SNX29: variants seen among roughly 807,000 people sequenced by gnomAD.
SNX29 encodes sorting nexin 29, also known as sorting nexin-29.
In SNX29, 78 loss-of-function variants were observed where a neutral mutation model predicts 102.1. The observed-to-expected ratio is 0.76, with a 90% CI of 0.64 to 0.92. The LOEUF is 0.92. Among genes scored for constraint, SNX29 ranks in the 40% least tolerant of loss-of-function variants. The pLI, the probability that SNX29 is intolerant of heterozygous loss-of-function variation, is 0.00. For missense variants in SNX29, 1,280 were observed against 1,061.7 expected, an observed-to-expected ratio of 1.21 and a Z score of -2.86; for synonymous variants, 580 against 414.5, an observed-to-expected ratio of 1.40 and a Z score of -4.85.
chr16:11,978,443 C>T (rs1412197898), intron 1 of SNX29, among the ~76,000 whole-genome samples: 1 of 152,172 alleles, frequency 6.6e-6, no homozygotes, highest in African/African-American at 2.4e-5. Flanking sequence ...CCTAGTAGTA[C>T]CTATCTCCTA....
At chr16:12,565,584 C>G (rs985222097) in intron 20 of SNX29, among the ~76,000 whole-genome samples, 1 of 152,188 alleles carries the variant, frequency 6.6e-6, no homozygotes, top group Admixed American at 6.5e-5. Flanking sequence ...CACCCTCAAC[C>G]ACAGCAGCCT....
At chr16:12,540,500 C>T (rs571889713) in intron 20 of SNX29, among the ~76,000 whole-genome samples, 3 of 152,360 alleles carry the variant, frequency 2.0e-5, no homozygotes, top group African/African-American at 4.8e-5. Flanking sequence ...GGGCTGGCGC[C>T]TTCTCGAGGT....
intron 20 of SNX29, among the ~76,000 whole-genome samples, chr16:12,568,083 G>A (rs752152319): frequency 5.3e-5 from 8 of 152,124 alleles, no homozygotes; most frequent in African/African-American, 9.7e-5. Context: ...CAGGAAGTCC[G>A]TCTCCTGTGT....
At chr16:12,516,129 C>T (rs907217169) in intron 19 of SNX29, among the ~76,000 whole-genome samples, 4 of 152,142 alleles carry the variant, frequency 2.6e-5, no homozygotes, top group African/African-American at 7.2e-5. Flanking sequence ...TGCTGGGAAG[C>T]CTGGTCTGTC....
intron 20 of SNX29, among the ~76,000 whole-genome samples, chr16:12,534,062 G>A (rs1264523753): frequency 6.6e-6 from 1 of 152,256 alleles, no homozygotes; most frequent in African/African-American, 2.4e-5. Flanking sequence ...AAGCAGTGCA[G>A]AGTGAGGGCA....
intron 13 of SNX29, among the ~76,000 whole-genome samples, chr16:12,177,141 TCTC>T (rs758027506): frequency 2.0e-5 from 3 of 152,082 alleles, no homozygotes; most frequent in Non-Finnish European, 4.4e-5. Flanking sequence ...AGAGACATGG[TCTC>T]CTTGTGTTTT....
intron 13 of SNX29, among the ~76,000 whole-genome samples, chr16:12,143,061 G>A (rs1050374171): frequency 1.3e-5 from 2 of 151,376 alleles, no homozygotes; most frequent in Admixed American, 6.6e-5. Context: ...CCAGTGGTGC[G>A]ATCTCAGCTC....
At chr16:12,552,597 C>A (rs557194114) in intron 20 of SNX29, among the ~76,000 whole-genome samples, 1 of 152,128 alleles carries the variant, frequency 6.6e-6, no homozygotes, top group South Asian at 2.1e-4. Flanking sequence ...TTTATATTCT[C>A]ATGGGGATGA....
chr16:12,030,778 C>T (rs1209057480), intron 4 of SNX29, among the ~76,000 whole-genome samples: 1 of 152,210 alleles, frequency 6.6e-6, no homozygotes, highest in African/African-American at 2.4e-5. Flanking sequence ...GCTTCTTGGG[C>T]TCTCTTCCCT....
chr16:12,035,931 T>C (rs2057459846), intron 4 of SNX29, among the ~76,000 whole-genome samples: 1 of 152,230 alleles, frequency 6.6e-6, no homozygotes, highest in African/African-American at 2.4e-5. Context: ...AAATGAGATG[T>C]CCAGAGTTAG....
chr16:12,366,141 G>A (rs929334715), intron 16 of SNX29, among the ~76,000 whole-genome samples: 31 of 151,580 alleles, frequency 2.0e-4, no homozygotes, highest in African/African-American at 7.5e-4. Context: ...CTGGGGTTCT[G>A]TGATGCAGTA....
At chr16:12,546,048 T>G (rs937183272) in intron 20 of SNX29, among the ~76,000 whole-genome samples, 1 of 152,138 alleles carries the variant, frequency 6.6e-6, no homozygotes, top group Non-Finnish European at 1.5e-5. Context: ...GTACACATGA[T>G]GGGAGTGAAG....
chr16:12,481,547 CACACACA>C (rs1567608709), intron 19 of SNX29, among the ~76,000 whole-genome samples: 1,662 of 131,326 alleles, frequency 0.013, 39 homozygotes, highest in African/African-American at 0.041. Flanking sequence ...CACACACACA[CACACACA>C]CCCCAAATGT....
chr16:12,235,786 TG>T (rs556117189), intron 14 of SNX29, among the ~76,000 whole-genome samples: 12 of 105,316 alleles, frequency 1.1e-4, no homozygotes, highest in African/African-American at 5.7e-4. Flanking sequence ...GGTTGTAAAT[TG>T]TGTGTGTGTG....
chr16:12,162,231 A>G (rs2055817238), intron 13 of SNX29, among the ~76,000 whole-genome samples: 1 of 152,080 alleles, frequency 6.6e-6, no homozygotes, highest in African/African-American at 2.4e-5. Context: ...GCCTCAGCAC[A>G]CATGTCAGCG....
intron 20 of SNX29, chr16:12,526,646 A>G (rs767944013): frequency 9.5e-6 from 5 of 526,124 alleles, no homozygotes; most frequent in Admixed American, 4.7e-5. Context: ...GCACGGGGGA[A>G]TTAGCCTCTC....
intron 20 of SNX29, among the ~76,000 whole-genome samples, chr16:12,563,757 T>C (rs1345823312): frequency 6.6e-6 from 1 of 152,196 alleles, no homozygotes; most frequent in East Asian, 1.9e-4. Flanking sequence ...CAGCCACAAC[T>C]TCTCCACCCT....
chr16:12,306,825 G>T lies in SNX29; in HGVS notation c.1782+28789G>T, dbSNP rs566664848. 2.6e-5 allele frequency among the ~76,000 whole-genome samples: 4 copies of T among 152,326 alleles called. No homozygotes were observed. In the East Asian group the frequency reaches 7.7e-4, roughly 29 times the overall value. On this transcript the variant is annotated intron_variant, in intron 15 of 20. Coordinates refer to ENST00000566228, the MANE Select transcript of SNX29 (RefSeq NM_032167.5). The stretch of plus-strand genomic sequence containing the variant: ...AGCTGTCCTGTGTAACTCCCTGGTG[G>T]CCAGCCCCTAGTTTGGGCAGAAGCT...
At chr16:12,566,486 T>TG (rs1194874622) in intron 20 of SNX29, among the ~76,000 whole-genome samples, 2 of 152,208 alleles carry the variant, frequency 1.3e-5, no homozygotes, top group Non-Finnish European at 2.9e-5. Flanking sequence ...TGAATGATGA[T>TG]GGTGGTTGCA....
Sources: allele counts gnomAD v4.1 joint callset (sites outside exome capture counted in the v4.1 genomes callset), GRCh38; gene constraint gnomAD v4.1.1; transcripts MANE v1.5; gene names NCBI Gene and HGNC (gene_info 2026-07-23, HGNC 2026-07-21).